GFRA2: variants seen among roughly 807,000 people sequenced by gnomAD.
The protein encoded by GFRA2 is GDNF family receptor alpha-2.
GFRA2 carries 17 observed loss-of-function variants against 48.3 expected under a neutral mutation model. That is an observed-to-expected ratio of 0.35 (90% CI 0.24 to 0.53). GFRA2 has a LOEUF of 0.53. GFRA2 is among the 20% of genes least tolerant of loss of function. The pLI is 0.93. For synonymous variants in GFRA2, 305 were observed against 257.2 expected, an observed-to-expected ratio of 1.19 and a Z score of -1.78; for missense variants, 660 against 637.3, an observed-to-expected ratio of 1.04 and a Z score of -0.38.
chr8:21,769,182 G>T (rs1806322503), intron 3 of GFRA2: 6 of 984,850 alleles, frequency 6.1e-6, no homozygotes, highest in Non-Finnish European at 7.2e-6. Context: ...ACCGTCTCCG[G>T]AACACACAGA....
Position 21,694,448 on chromosome 8 carries a change from T to C in GFRA2, c.1272+16A>G. The stretch of plus-strand genomic sequence containing the variant: ...CCCAGCCTTCTGCACCCATCCCCAC[T>C]CTGCCCCCAACTCACCTCTGTGAAG... On this transcript the variant is annotated intron_variant, in intron 8 of 8. Coordinates refer to ENST00000524240, the MANE Select transcript of GFRA2 (RefSeq NM_001495.5). The C allele has an allele frequency of 6.2e-7, 1 of 1,610,282 alleles. No individual in the cohort carries two copies. The highest frequency in any genetic ancestry group is 8.5e-7 in the Non-Finnish European group (1 of 1,178,862).
At chr8:21,779,206 C>T (rs34079804) in intron 2 of GFRA2, among the ~76,000 whole-genome samples, 33,390 of 152,060 alleles carry the variant, frequency 0.22, 3,785 homozygotes, top group Middle Eastern at 0.26. Context: ...TCTCAAAAAA[C>T]GAGATTTGGA....
chr8:21,742,120 C>G (rs887684719), intron 4 of GFRA2, among the ~76,000 whole-genome samples: 6 of 152,126 alleles, frequency 3.9e-5, no homozygotes, highest in African/African-American at 1.4e-4. Context: ...GGGAGCCAAA[C>G]AGGCTTGATG....
chr8:21,759,543 A>AAGGAAGGAAGGGG (rs879376871), intron 3 of GFRA2, among the ~76,000 whole-genome samples: 1 of 147,284 alleles, frequency 6.8e-6, no homozygotes, highest in African/African-American at 2.5e-5. Context: ...GGAAGGAAGG[A>AAGGAAGGAAGGGG]GGGAAGGAAG....
Position 21,691,222 on chromosome 8 carries a change from C to T in GFRA2, c.*2056G>A, listed in dbSNP as rs1218839868. Reference sequence around the variant, plus strand: ...TTCTCGCCTACCAGTCTTCCATTCTCCCTCCTGCCATGGGTATATATTCAC... The same window carrying T: ...TTCTCGCCTACCAGTCTTCCATTCTTCCTCCTGCCATGGGTATATATTCAC... On this transcript the variant is annotated 3_prime_UTR_variant, in exon 9 of 9. Transcript: ENST00000524240. The T allele has an allele frequency of 6.6e-6, 1 of 152,250 alleles. No individual in the cohort carries two copies. Among genetic ancestry groups the T allele is most frequent in the African/African-American group, 2.4e-5 (1 of 41,448 alleles). The allele number at this position is 152,250 out of a possible 1,614,324, so 9.4% of individuals were successfully genotyped here. A position where few individuals can be genotyped will look rare whatever the true frequency, so the allele number is the denominator to read the frequency against.
intron 2 of GFRA2, among the ~76,000 whole-genome samples, chr8:21,775,457 G>A (rs1232571151): frequency 6.6e-6 from 1 of 152,180 alleles, no homozygotes; most frequent in Non-Finnish European, 1.5e-5. Context: ...CCACAATCAT[G>A]CCTCATTTCA....
chr8:21,799,404 G>A (rs1303574173), intron 2 of GFRA2, among the ~76,000 whole-genome samples: 5 of 152,104 alleles, frequency 3.3e-5, no homozygotes, highest in Non-Finnish European at 7.3e-5. Flanking sequence ...ATTTTTAGTA[G>A]AGACGGGGTT....
At chr8:21,704,914 G>A (rs1779615995) in intron 6 of GFRA2, 71 bp downstream of exon 6, 11 of 1,176,408 alleles carry the variant, frequency 9.4e-6, no homozygotes, top group Non-Finnish European at 1.4e-5. Context: ...GAAGGAGATG[G>A]GAATGGCTAG....
intron 4 of GFRA2, among the ~76,000 whole-genome samples, chr8:21,730,021 G>A (rs1014879636): frequency 1.3e-5 from 2 of 152,026 alleles, no homozygotes; most frequent in Admixed American, 1.3e-4. Flanking sequence ...CTGCAGGGTG[G>A]ACCTCGAGGG....
chr8:21,705,855 G>T, intron 5 of GFRA2, 77 bp downstream of exon 5: 2 of 952,250 alleles, frequency 2.1e-6, no homozygotes, highest in Non-Finnish European at 3.2e-6. Context: ...CTGGCCCTGA[G>T]CTGGGCTGCG....
intron 4 of GFRA2, among the ~76,000 whole-genome samples, chr8:21,736,431 T>C (rs1448339734): frequency 6.6e-6 from 1 of 152,214 alleles, no homozygotes; most frequent in Non-Finnish European, 1.5e-5. Context: ...CCATGGCTTA[T>C]TTTGGGGTGT....
intron 4 of GFRA2, among the ~76,000 whole-genome samples, chr8:21,708,302 G>A (rs1802850549): frequency 6.6e-6 from 1 of 152,192 alleles, no homozygotes; most frequent in Admixed American, 6.5e-5. Flanking sequence ...CACCCCTGCA[G>A]GAGACAACTC....
chr8:21,741,043 G>A (rs1020302202), intron 4 of GFRA2, among the ~76,000 whole-genome samples: 3 of 152,186 alleles, frequency 2.0e-5, no homozygotes, highest in Non-Finnish European at 2.9e-5. Context: ...CTCTGCAGTC[G>A]TTCTCGCCTC....
At position 21,782,632 on chromosome 8, in the gene GFRA2, A is replaced by G; in HGVS notation, c.308T>C (p.Leu103Pro). 1 of 1,586,216 alleles carries G rather than the reference A, an allele frequency of 6.3e-7. No individual in the cohort carries two copies. ...CRCKRGMKKE[L>P]QCLQIYWSIH... ...GCTCCAGTAGATCTGCAGACACTGC[A>G]GCTCCTTCTTCATGCCCCGCTTGCA... Residue 103 changes from leucine to proline, a missense_variant, in exon 2 of 9, where the codon CTG becomes CCG. Coordinates refer to ENST00000524240, the MANE Select transcript of GFRA2 (RefSeq NM_001495.5).
chr8:21,727,818 A>G (rs1015451094), intron 4 of GFRA2, among the ~76,000 whole-genome samples: 1 of 152,168 alleles, frequency 6.6e-6, no homozygotes, highest in Non-Finnish European at 1.5e-5. Context: ...GTCTGGATTC[A>G]CGGAAAATAC....
At chr8:21,760,065 C>A (rs77784936) in intron 3 of GFRA2, among the ~76,000 whole-genome samples, 1 of 152,044 alleles carries the variant, frequency 6.6e-6, no homozygotes, top group Admixed American at 6.5e-5. Context: ...GGTCCTGAGA[C>A]AGCTATGAGC....
intron 1 of GFRA2, among the ~76,000 whole-genome samples, chr8:21,807,220 T>C (rs548824883): frequency 2.0e-5 from 3 of 152,220 alleles, no homozygotes; most frequent in Non-Finnish European, 4.4e-5. Context: ...TGGATTAATG[T>C]CATTATTGAG....
rs1009764783 is a variant in GFRA2, at chr8:21,770,740, G to A, written c.439+4232C>T. Among the ~76,000 whole-genome samples, 23 of 152,124 alleles carry A rather than the reference G, an allele frequency of 1.5e-4. No homozygotes were observed. In the South Asian group the frequency reaches 2.5e-3, roughly 16 times the overall value. On this transcript the variant is annotated intron_variant, in intron 3 of 8. Transcript: ENST00000524240. ...GTCCTTTAGGCATGGGCCCAGTGGCGGTGAGGATGCCTCTGCCCAACCCGC... is the reference window on the plus strand; with the variant it reads ...GTCCTTTAGGCATGGGCCCAGTGGCAGTGAGGATGCCTCTGCCCAACCCGC...
intron 4 of GFRA2, among the ~76,000 whole-genome samples, chr8:21,711,796 G>T (rs1271051603): frequency 2.0e-5 from 3 of 151,564 alleles, no homozygotes; most frequent in African/African-American, 4.9e-5. Flanking sequence ...GTGAACAAAG[G>T]TCTCTGGTTT....
Sources: allele counts gnomAD v4.1 joint callset (sites outside exome capture counted in the v4.1 genomes callset), GRCh38; gene constraint gnomAD v4.1.1; transcripts MANE v1.5; gene names NCBI Gene and HGNC (gene_info 2026-07-23, HGNC 2026-07-21).